The following UBE2E2 variants were observed in gnomAD, a reference collection of about 807,000 sequenced individuals.
The protein encoded by UBE2E2 is ubiquitin-conjugating enzyme E2 E2.
In UBE2E2, 6 loss-of-function variants were observed where a neutral mutation model predicts 24.7. The ratio of observed to expected loss-of-function variants is 0.24; its 90% CI spans 0.13 to 0.48. The LOEUF (loss-of-function observed/expected upper bound fraction) is 0.48, where lower values mean the gene tolerates loss of function less well. Among genes scored for constraint, UBE2E2 ranks in the 20% least tolerant of loss-of-function variants. UBE2E2 has a pLI of 0.99. For synonymous variants in UBE2E2, 104 were observed against 83.6 expected, an observed-to-expected ratio of 1.24 and a Z score of -1.33; for missense variants, 169 against 245.0, an observed-to-expected ratio of 0.69 and a Z score of 2.07.
intron 3 of UBE2E2, among the ~76,000 whole-genome samples, chr3:23,308,040 T>TC (rs1167201181): frequency 1.3e-5 from 2 of 152,026 alleles, no homozygotes; most frequent in African/African-American, 2.4e-5. Context: ...TTTTACCAAC[T>TC]CCCCCCCAAA....
At chr3:23,581,785 A>C (rs1039825130) in intron 5 of UBE2E2, among the ~76,000 whole-genome samples, 1 of 152,202 alleles carries the variant, frequency 6.6e-6, no homozygotes, top group Non-Finnish European at 1.5e-5. Context: ...CCACCTACCA[A>C]CCAAGATAGA....
intron 3 of UBE2E2, among the ~76,000 whole-genome samples, chr3:23,467,658 G>A (rs966295087): frequency 6.6e-6 from 1 of 152,134 alleles, no homozygotes; most frequent in African/African-American, 2.4e-5. Context: ...GTGATCTATG[G>A]TTATGTAACC....
chr3:23,454,897 T>A (rs1698642747), intron 3 of UBE2E2, among the ~76,000 whole-genome samples: 1 of 152,246 alleles, frequency 6.6e-6, no homozygotes, highest in South Asian at 2.1e-4. Flanking sequence ...GAATTTTTTT[T>A]GTCTGTTTAC....
chr3:23,216,854 C>G (rs1228997369), intron 2 of UBE2E2, among the ~76,000 whole-genome samples: 1 of 152,106 alleles, frequency 6.6e-6, no homozygotes, highest in East Asian at 1.9e-4. Context: ...GAATGAGATC[C>G]CGAATCATTT....
chr3:23,586,131 G>A (rs1290209490), intron 5 of UBE2E2, among the ~76,000 whole-genome samples: 5 of 152,160 alleles, frequency 3.3e-5, no homozygotes, highest in Non-Finnish European at 5.9e-5. Flanking sequence ...ATATGAAAAA[G>A]TAGTTTGTAG....
intron 3 of UBE2E2, among the ~76,000 whole-genome samples, chr3:23,339,325 A>G (rs992896461): frequency 6.6e-6 from 1 of 152,194 alleles, no homozygotes; most frequent in South Asian, 2.1e-4. Flanking sequence ...GCAGTGTGGT[A>G]TTTGGATCAA....
intron 3 of UBE2E2, among the ~76,000 whole-genome samples, chr3:23,397,512 C>T (rs1458334853): frequency 6.6e-6 from 1 of 152,192 alleles, no homozygotes; most frequent in Non-Finnish European, 1.5e-5. Flanking sequence ...CAAGAAATCT[C>T]CCACATTCCC....
intron 3 of UBE2E2, among the ~76,000 whole-genome samples, chr3:23,312,178 C>T (rs932040886): frequency 3.3e-5 from 5 of 152,054 alleles, no homozygotes; most frequent in Non-Finnish European, 5.9e-5. Flanking sequence ...GGCCTCCCCC[C>T]AAAAAAAAGC....
intron 5 of UBE2E2, among the ~76,000 whole-genome samples, chr3:23,565,641 G>C (rs1696056078): frequency 6.6e-6 from 1 of 151,866 alleles, no homozygotes; most frequent in Admixed American, 6.6e-5. Flanking sequence ...GGGCCCTCTG[G>C]CTAAAGGGAA....
In UBE2E2 at chr3:23,435,203, T is replaced by C. The variant is rs149118986; in HGVS notation, c.228-64405T>C. Among the ~76,000 whole-genome samples the C allele has an allele frequency of 6.6e-4, 100 of 152,336 alleles. 5 individuals carry two copies. The East Asian group carries it at 0.016, about 24-fold the overall frequency. ...AAATCAATAGTAATAGTTATGGTGA[T>C]AGGGACAGGTGATGGGATAAGGATT... On this transcript the variant is annotated intron_variant, in intron 3 of 5. Transcript: ENST00000396703.
At chr3:23,362,837 G>A (rs927324077) in intron 3 of UBE2E2, among the ~76,000 whole-genome samples, 1 of 152,164 alleles carries the variant, frequency 6.6e-6, no homozygotes, top group Non-Finnish European at 1.5e-5. Context: ...TCCCACATCT[G>A]TGAGAACTCA....
At chr3:23,254,646 G>A (rs1285195546) in intron 3 of UBE2E2, among the ~76,000 whole-genome samples, 4 of 152,160 alleles carry the variant, frequency 2.6e-5, no homozygotes, top group East Asian at 3.8e-4. Context: ...ATATTGTGTT[G>A]TTCTAATGGA....
At chr3:23,248,430 CA>C (rs1207427275) in intron 3 of UBE2E2, among the ~76,000 whole-genome samples, 2 of 152,282 alleles carry the variant, frequency 1.3e-5, no homozygotes, top group African/African-American at 4.8e-5. Context: ...AATTGTTCCA[CA>C]AAAAACTGAG....
At chr3:23,299,477 T>G (rs1013893925) in intron 3 of UBE2E2, among the ~76,000 whole-genome samples, 3 of 151,870 alleles carry the variant, frequency 2.0e-5, no homozygotes, top group Non-Finnish European at 4.4e-5. Context: ...GATTCTGGTA[T>G]GTTGTGTCTT....
chr3:23,302,581 C>T (rs911246536), intron 3 of UBE2E2, among the ~76,000 whole-genome samples: 6 of 152,140 alleles, frequency 3.9e-5, no homozygotes, highest in Admixed American at 2.6e-4. Flanking sequence ...CATCTAAAAT[C>T]CTAGATGCTT....
At chr3:23,221,452 T>A (rs1696638642) in intron 3 of UBE2E2, among the ~76,000 whole-genome samples, 1 of 152,190 alleles carries the variant, frequency 6.6e-6, no homozygotes, top group African/African-American at 2.4e-5. Context: ...CCTTCCCCAT[T>A]TTCCCCCAGC....
chr3:23,388,552 A>T lies in UBE2E2; in HGVS notation c.228-111056A>T, dbSNP rs189129539. Among the ~76,000 whole-genome samples, 816 of 152,224 alleles carry T rather than the reference A, an allele frequency of 5.4e-3. 11 individuals are homozygous for T. The highest frequency in any genetic ancestry group is 0.018 in the African/African-American group (759 of 41,542). On this transcript the variant is annotated intron_variant, in intron 3 of 5. Transcript: ENST00000396703. Reference sequence around the variant, plus strand: ...ATTAGCACCTTAAAATATATGTAGCATTTTTTCATTTTATTGCAAAGCTAC... The same window carrying T: ...ATTAGCACCTTAAAATATATGTAGCTTTTTTTCATTTTATTGCAAAGCTAC...
At chr3:23,513,614 A>G (rs189292559) in intron 4 of UBE2E2, among the ~76,000 whole-genome samples, 7 of 152,296 alleles carry the variant, frequency 4.6e-5, no homozygotes, top group South Asian at 4.1e-4. Flanking sequence ...TGCATGTTCA[A>G]TTTTAATAGA....
At chr3:23,336,114 A>G (rs551745245) in intron 3 of UBE2E2, among the ~76,000 whole-genome samples, 2 of 152,324 alleles carry the variant, frequency 1.3e-5, no homozygotes, top group Admixed American at 1.3e-4. Flanking sequence ...ACATTGTTTT[A>G]ACATTTTAAA....
Sources: gnomAD v4.1 joint callset for allele counts (sites outside exome capture counted in the v4.1 genomes callset) on GRCh38, gnomAD v4.1.1 for gene constraint, MANE v1.5 for transcripts, NCBI Gene and HGNC (gene_info 2026-07-23, HGNC 2026-07-21) for gene names.